BMAL1: variants seen among roughly 807,000 people sequenced by gnomAD.
BMAL1 encodes basic helix-loop-helix ARNT like 1.
the BMAL1 span, among the ~76,000 whole-genome samples, chr11:13,292,853 G>C: frequency 1.3e-5 from 2 of 152,192 alleles, no homozygotes; most frequent in East Asian, 3.9e-4. Context: ...CACACATCCA[G>C]TCATTTTTAA....
the BMAL1 span, among the ~76,000 whole-genome samples, chr11:13,322,076 T>A: frequency 6.6e-6 from 1 of 152,192 alleles, no homozygotes; most frequent in South Asian, 2.1e-4. Context: ...TGAGTGAGCA[T>A]CCTGGCTCCT....
chr11:13,326,285 A>C, the BMAL1 span: 9 of 152,042 alleles, frequency 5.9e-5, no homozygotes, highest in African/African-American at 2.2e-4. Context: ...CCTTCGGACC[A>C]GCCTCATCCC....
At chr11:13,285,487 T>TGGGA in the BMAL1 span, among the ~76,000 whole-genome samples, 1 of 151,922 alleles carries the variant, frequency 6.6e-6, no homozygotes, top group Non-Finnish European at 1.5e-5. Flanking sequence ...TGAGGTATGG[T>TGGGA]GGGAGGGAGG....
chr11:13,337,910 A>C, the BMAL1 span, among the ~76,000 whole-genome samples: 1 of 152,164 alleles, frequency 6.6e-6, no homozygotes, highest in Non-Finnish European at 1.5e-5. Flanking sequence ...TTGTGAGCTG[A>C]GGGATTTCAG....
chr11:13,347,806 T>C, the BMAL1 span, among the ~76,000 whole-genome samples: 5 of 152,136 alleles, frequency 3.3e-5, no homozygotes, highest in African/African-American at 1.2e-4. Flanking sequence ...GCCGAGATCA[T>C]GCCATTGCAC....
the BMAL1 span, among the ~76,000 whole-genome samples, chr11:13,365,159 C>T: frequency 6.6e-6 from 1 of 152,096 alleles, no homozygotes; most frequent in African/African-American, 2.4e-5. Flanking sequence ...ATTATTAGAG[C>T]AATGAAATAT....
At chr11:13,316,551 C>G in the BMAL1 span, among the ~76,000 whole-genome samples, 1 of 152,128 alleles carries the variant, frequency 6.6e-6, no homozygotes, top group African/African-American at 2.4e-5. Flanking sequence ...GTTATGACTT[C>G]CCAGACCTCA....
At chr11:13,352,431 C>T in the BMAL1 span, among the ~76,000 whole-genome samples, 6 of 152,040 alleles carry the variant, frequency 3.9e-5, no homozygotes, top group African/African-American at 1.2e-4. Flanking sequence ...GACAGAGAAA[C>T]GCCTGTAAAG....
At chr11:13,376,466 G>GGAT in the BMAL1 span, 1 of 692,524 alleles carries the variant, frequency 1.4e-6, no homozygotes, top group Non-Finnish European at 2.6e-6. Flanking sequence ...CCAAAGGCCA[G>GGAT]GATGCTATCC....
At chr11:13,381,034 C>T in the BMAL1 span, 10 of 813,168 alleles carry the variant, frequency 1.2e-5, no homozygotes, top group African/African-American at 1.5e-4. Context: ...TACTATCTGG[C>T]CCCTTACAGA....
chr11:13,381,166 G>A, the BMAL1 span: 1 of 1,613,998 alleles, frequency 6.2e-7, no homozygotes, highest in Non-Finnish European at 8.5e-7. Flanking sequence ...GACAGGATAA[G>A]AGGGTCATCG....
chr11:13,315,338 A>T, the BMAL1 span, among the ~76,000 whole-genome samples: 1 of 152,202 alleles, frequency 6.6e-6, no homozygotes, highest in East Asian at 1.9e-4. Flanking sequence ...AAGCCTCCCC[A>T]ACCTCCCTGA....
chr11:13,364,719 T>G, the BMAL1 span, among the ~76,000 whole-genome samples: 1 of 152,210 alleles, frequency 6.6e-6, no homozygotes, highest in Admixed American at 6.5e-5. Flanking sequence ...TTCAGTCTCT[T>G]TACCAAATGT....
the BMAL1 span, among the ~76,000 whole-genome samples, chr11:13,284,362 A>G: frequency 6.7e-6 from 1 of 150,184 alleles, no homozygotes. Context: ...AATGTGTTAT[A>G]TAATGTTCAA....
At chr11:13,288,402 C>T in the BMAL1 span, among the ~76,000 whole-genome samples, 1 of 22,520 alleles carries the variant, frequency 4.4e-5, no homozygotes, top group Non-Finnish European at 1.4e-4. Flanking sequence ...TTTTTTCTTT[C>T]TTTCTTTCTT....
the BMAL1 span, among the ~76,000 whole-genome samples, chr11:13,289,636 G>A: frequency 6.6e-6 from 1 of 152,038 alleles, no homozygotes; most frequent in Non-Finnish European, 1.5e-5. Context: ...TGCGGTGTTT[G>A]GTTTTCTGTC....
the BMAL1 span, among the ~76,000 whole-genome samples, chr11:13,383,699 A>ACCTGG: frequency 6.6e-6 from 1 of 151,618 alleles, no homozygotes; most frequent in Admixed American, 6.6e-5. Context: ...AAAATACAAA[A>ACCTGG]AAAATTATCC....
the BMAL1 span, among the ~76,000 whole-genome samples, chr11:13,338,916 C>A: frequency 6.6e-6 from 1 of 152,360 alleles, no homozygotes; most frequent in Admixed American, 6.5e-5. Flanking sequence ...GGTGACTGCT[C>A]TGTTTCACCT....
the BMAL1 span, among the ~76,000 whole-genome samples, chr11:13,328,234 G>A: frequency 0.39 from 59,075 of 151,908 alleles, 11,805 homozygotes; most frequent in East Asian, 0.64. Context: ...TAGACTAAAA[G>A]GGGGGATAAA....
Sources: allele counts gnomAD v4.1 joint callset (sites outside exome capture counted in the v4.1 genomes callset), GRCh38; gene constraint gnomAD v4.1.1; transcripts MANE v1.5; gene names NCBI Gene and HGNC (gene_info 2026-07-23, HGNC 2026-07-21).